OLAH: variants seen among roughly 807,000 people sequenced by gnomAD.
The protein encoded by OLAH is S-acyl fatty acid synthase thioesterase, medium chain.
Under a neutral mutation model 27.8 loss-of-function variants are expected in OLAH, and 33 were observed. The observed-to-expected ratio is 1.19, with a 90% CI of 0.90 to 1.59. The LOEUF is 1.59. OLAH is among the 40% of genes most tolerant of loss of function. The pLI, the probability that OLAH is intolerant of heterozygous loss-of-function variation, is 0.00. For synonymous variants in OLAH, 120 were observed against 102.9 expected, an observed-to-expected ratio of 1.17 and a Z score of -1.01; for missense variants, 359 against 310.8, an observed-to-expected ratio of 1.16 and a Z score of -1.17.
chr10:15,070,967 A>C (rs1292891957), intron 6 of OLAH, among the ~76,000 whole-genome samples: 1 of 151,804 alleles, frequency 6.6e-6, no homozygotes, highest in African/African-American at 2.4e-5. Flanking sequence ...TTTATGTAGT[A>C]GAAATGGGGT....
At chr10:15,069,008 A>G (rs1844526467) in intron 6 of OLAH, among the ~76,000 whole-genome samples, 1 of 152,164 alleles carries the variant, frequency 6.6e-6, no homozygotes, top group Admixed American at 6.5e-5. Flanking sequence ...TGTGACTCAT[A>G]GAACAGCCTC....
At chr10:15,042,158 T>C (rs992366310), upstream of OLAH, among the ~76,000 whole-genome samples, 7 of 151,944 alleles carry the variant, frequency 4.6e-5, no homozygotes, top group East Asian at 5.8e-4. Flanking sequence ...GGTATTTTTC[T>C]TTTTTCTTTT....
intron 2 of OLAH, 149 bp from the exon 3 acceptor site, chr10:15,049,486 C>T: frequency 2.1e-6 from 1 of 485,206 alleles, no homozygotes; most frequent in East Asian, 3.9e-5. Context: ...TCTTTTTTGC[C>T]CTTTCTTATT....
At chr10:15,070,540 A>G (rs1844563533) in intron 6 of OLAH, among the ~76,000 whole-genome samples, 1 of 152,106 alleles carries the variant, frequency 6.6e-6, no homozygotes. Context: ...GCTGGAGTGC[A>G]GTGGTGTGAT....
intron 1 of OLAH, among the ~76,000 whole-genome samples, chr10:15,045,469 G>C (rs1370919642): frequency 6.6e-6 from 1 of 152,156 alleles, no homozygotes; most frequent in Non-Finnish European, 1.5e-5. Flanking sequence ...TCCAGGTAAA[G>C]TCAGAGAAAT....
At chr10:15,064,729 C>G (rs987595907) in intron 5 of OLAH, among the ~76,000 whole-genome samples, 2 of 152,186 alleles carry the variant, frequency 1.3e-5, no homozygotes, top group Non-Finnish European at 2.9e-5. Context: ...ACGATCTTGT[C>G]TCACTGCAAC....
At chr10:15,036,035 T>C (rs1378886026) in intron 1 of OLAH, among the ~76,000 whole-genome samples, 1 of 152,154 alleles carries the variant, frequency 6.6e-6, no homozygotes, top group African/African-American at 2.4e-5. Flanking sequence ...CAGCTGTATA[T>C]GCCTGCAATG....
intron 4 of OLAH, 81 bp downstream of exon 4, chr10:15,061,943 G>T: frequency 2.2e-6 from 3 of 1,358,614 alleles, no homozygotes; most frequent in Non-Finnish European, 3.1e-6. Context: ...TTTGTGTTTT[G>T]TAAGATGCAT....
intron 4 of OLAH, 54 bp from the exon 5 acceptor site, chr10:15,064,349 T>A: frequency 1.0e-6 from 1 of 1,001,588 alleles, no homozygotes; most frequent in African/African-American, 1.6e-5. Context: ...TTTCGGTGGA[T>A]CATCACGAGT....
At chr10:15,071,441 G>T in intron 6 of OLAH, 1 of 842,422 alleles carries the variant, frequency 1.2e-6, no homozygotes, top group Non-Finnish European at 1.4e-6. Flanking sequence ...TCTGTGCAGA[G>T]CAACCCTCTG....
chr10:15,058,734 GT>G (rs1844294907), intron 3 of OLAH, among the ~76,000 whole-genome samples: 1 of 152,126 alleles, frequency 6.6e-6, no homozygotes, highest in Non-Finnish European at 1.5e-5. Context: ...GCCTGAAGAA[GT>G]TCCTTTAATA....
At chr10:15,062,049 CT>C in intron 4 of OLAH, 187 bp downstream of exon 4, 1 of 496,250 alleles carries the variant, frequency 2.0e-6, no homozygotes, top group South Asian at 5.0e-5. Context: ...ATTTTTTTTC[CT>C]TTTAGGCAAA....
upstream of OLAH, among the ~76,000 whole-genome samples, chr10:15,040,340 C>A (rs1460050290): frequency 2.0e-5 from 3 of 152,162 alleles, no homozygotes; most frequent in Non-Finnish European, 4.4e-5. Context: ...CACAGAAGAT[C>A]AAGAAAGCTG....
upstream of OLAH, among the ~76,000 whole-genome samples, chr10:15,041,867 G>A (rs143776104): frequency 3.7e-3 from 558 of 152,112 alleles, 3 homozygotes; most frequent in African/African-American, 0.013. Context: ...GTGAGCTACC[G>A]CAACTGGCCC....
intron 3 of OLAH, among the ~76,000 whole-genome samples, chr10:15,050,423 A>G (rs1589241675): frequency 1.3e-5 from 2 of 152,002 alleles, no homozygotes; most frequent in Non-Finnish European, 2.9e-5. Context: ...ATGTGCCACC[A>G]TGCCCAGCTA....
intron 1 of OLAH, chr10:15,038,672 C>T (rs1843877627): frequency 6.6e-6 from 1 of 152,352 alleles, no homozygotes; most frequent in African/African-American, 2.4e-5. Flanking sequence ...GCCTCCCCAG[C>T]TATGTGGCAC....
chr10:15,065,747 G>C lies in OLAH; in HGVS notation c.566G>C (p.Ser189Thr). 6.3e-7 allele frequency: 1 copy of C among 1,589,614 alleles called. No individual in the cohort carries two copies. Among genetic ancestry groups the C allele is most frequent in the Non-Finnish European group, 8.5e-7 (1 of 1,172,664 alleles). The change falls in exon 6 of 8, where the codon AGT (serine) becomes ACT (threonine). Residue 189 changes from serine (S) to threonine (T), a missense_variant. Transcript: ENST00000378228. ...IIRADLNIVR[S>T]CTSNVPSKAV... ...AGGGCAGATCTGAACATTGTTAGAA[G>C]TTGCACGTAAGTAACAGAAACAAGG... is the stretch of plus-strand genomic sequence containing the variant.
rs2131386307 is a variant in OLAH at position 15,073,263 on chromosome 10, T to C, written c.*34T>C. 1 of 1,377,868 alleles carries C rather than the reference T, an allele frequency of 7.3e-7. No individual in the cohort carries two copies. The highest frequency in any genetic ancestry group is 1.2e-5 in the South Asian group (1 of 82,014). The allele number at this position is 1,377,868 out of a possible 1,614,324, so 85.4% of individuals were successfully genotyped here. ...CCTTTCACTTTTAAAATAATCAAAG[T>C]AATATCATACTCTTCTCAGTTATTC... On this transcript the variant is annotated 3_prime_UTR_variant, in exon 8 of 8. Transcript: ENST00000378228.
chr10:15,055,192 A>G (rs1360312890), intron 3 of OLAH, among the ~76,000 whole-genome samples: 5 of 152,118 alleles, frequency 3.3e-5, no homozygotes, highest in Non-Finnish European at 7.4e-5. Flanking sequence ...ACTTTGATTT[A>G]TACTTTCTAT....
Sources: allele counts gnomAD v4.1 joint callset (sites outside exome capture counted in the v4.1 genomes callset), GRCh38; gene constraint gnomAD v4.1.1; transcripts MANE v1.5; gene names NCBI Gene and HGNC (gene_info 2026-07-23, HGNC 2026-07-21).